The following CNTNAP2 variants were observed in gnomAD, a reference collection of about 807,000 sequenced individuals.
The protein encoded by CNTNAP2 is contactin-associated protein-like 2.
Under a neutral mutation model 155.2 loss-of-function variants are expected in CNTNAP2, and 98 were observed. The ratio of observed to expected loss-of-function variants is 0.63; its 90% CI spans 0.54 to 0.75. The LOEUF is 0.75. Ranked by LOEUF, CNTNAP2 falls within the 30% of genes least tolerant of loss-of-function variation. The pLI is 0.00. For synonymous variants in CNTNAP2, 651 were observed against 631.2 expected, an observed-to-expected ratio of 1.03 and a Z score of -0.47; for missense variants, 1,727 against 1,688.1, an observed-to-expected ratio of 1.02 and a Z score of -0.40.
intron 13 of CNTNAP2, among the ~76,000 whole-genome samples, chr7:147,841,073 A>G (rs537442848): frequency 7.2e-4 from 109 of 152,270 alleles, no homozygotes; most frequent in Middle Eastern, 3.4e-3. Context: ...TTTTTAATCA[A>G]TGTATTAGAA....
intron 15 of CNTNAP2, among the ~76,000 whole-genome samples, chr7:147,978,834 A>G (rs1801475515): frequency 6.6e-6 from 1 of 152,008 alleles, no homozygotes; most frequent in Non-Finnish European, 1.5e-5. Flanking sequence ...CTGCTCCCCA[A>G]ATAGCTGACT....
intron 13 of CNTNAP2, among the ~76,000 whole-genome samples, chr7:147,835,048 A>AT (rs1364525207): frequency 1.3e-5 from 2 of 152,134 alleles, no homozygotes; most frequent in African/African-American, 2.4e-5. Context: ...GCCAATAAGG[A>AT]TAAAAAAAAG....
intron 8 of CNTNAP2, among the ~76,000 whole-genome samples, chr7:147,217,863 T>G (rs1803308097): frequency 6.6e-6 from 1 of 152,036 alleles, no homozygotes; most frequent in Non-Finnish European, 1.5e-5. Flanking sequence ...TTTTTGCTTT[T>G]ATTAGATAGA....
At chr7:147,661,634 C>G (rs1371414014) in intron 13 of CNTNAP2, among the ~76,000 whole-genome samples, 5 of 151,956 alleles carry the variant, frequency 3.3e-5, no homozygotes, top group Admixed American at 2.6e-4. Flanking sequence ...CTCACTACGA[C>G]CCCTGCCTGC....
rs534056341 is a variant in CNTNAP2 at position 147,088,903 on chromosome 7, C to T, written c.551-19244C>T. Among the ~76,000 whole-genome samples the T allele has an allele frequency of 4.1e-4, 62 of 152,130 alleles. No homozygotes were observed. The South Asian group carries it at 0.012, about 30-fold the overall frequency. On this transcript the variant is annotated intron_variant, in intron 4 of 23. Coordinates refer to ENST00000361727, the MANE Select transcript of CNTNAP2 (RefSeq NM_014141.6). Reference sequence around the variant, plus strand: ...AGGCTGCAGTGGGCTGTGATCATACCACTTCAATCCAGCCTGGGTGACAGA... The same window carrying T: ...AGGCTGCAGTGGGCTGTGATCATACTACTTCAATCCAGCCTGGGTGACAGA...
intron 15 of CNTNAP2, among the ~76,000 whole-genome samples, chr7:148,056,038 G>A (rs2707570): frequency 0.015 from 2,210 of 152,200 alleles, 53 homozygotes; most frequent in African/African-American, 0.051. Context: ...AGCGATGAAC[G>A]GATTCACTCC....
At chr7:148,314,347 T>C (rs920677836) in intron 21 of CNTNAP2, among the ~76,000 whole-genome samples, 1 of 152,062 alleles carries the variant, frequency 6.6e-6, no homozygotes, top group Non-Finnish European at 1.5e-5. Flanking sequence ...TTAGATCTTG[T>C]AGGATGGAAA....
At chr7:147,682,052 T>C (rs1389373181) in intron 13 of CNTNAP2, among the ~76,000 whole-genome samples, 1 of 151,840 alleles carries the variant, frequency 6.6e-6, no homozygotes. Flanking sequence ...TAAAGGTTAT[T>C]AGAAGGTATT....
chr7:148,128,633 G>A (rs538426241), intron 16 of CNTNAP2, among the ~76,000 whole-genome samples: 7 of 152,326 alleles, frequency 4.6e-5, no homozygotes, highest in African/African-American at 1.7e-4. Context: ...TTATTTGAAT[G>A]TACAGTAGAG....
intron 1 of CNTNAP2, among the ~76,000 whole-genome samples, chr7:146,176,101 C>T (rs13234697): frequency 0.11 from 16,685 of 151,990 alleles, 1,219 homozygotes; most frequent in Non-Finnish European, 0.17. Flanking sequence ...TAAACTTCTT[C>T]TTTTACATGT....
chr7:147,954,909 G>A (rs1187479844), intron 14 of CNTNAP2, among the ~76,000 whole-genome samples: 2 of 152,198 alleles, frequency 1.3e-5, no homozygotes, highest in East Asian at 3.8e-4. Flanking sequence ...ACTATGAAGA[G>A]ATCTCTCTGA....
intron 13 of CNTNAP2, among the ~76,000 whole-genome samples, chr7:147,685,059 AT>A (rs986422141): frequency 6.6e-6 from 1 of 151,924 alleles, no homozygotes; most frequent in Non-Finnish European, 1.5e-5. Flanking sequence ...TTCACCTGTC[AT>A]TGTCATCTCA....
chr7:147,553,521 C>A (rs1346404602), intron 11 of CNTNAP2, among the ~76,000 whole-genome samples: 3 of 152,256 alleles, frequency 2.0e-5, no homozygotes, highest in East Asian at 1.9e-4. Flanking sequence ...GTTTTATAAT[C>A]TTTTATAACA....
rs1417900880 is a variant in CNTNAP2, at chr7:147,658,064, G to A, written c.2098+18758G>A. Reference sequence around the variant, plus strand: ...GAGGTCAGGAGATCGAGACCATCCCGGCAAAAATGGTGAAACCCCGTCTCT... The same window carrying A: ...GAGGTCAGGAGATCGAGACCATCCCAGCAAAAATGGTGAAACCCCGTCTCT... On this transcript the variant is annotated intron_variant, in intron 13 of 23. Transcript: ENST00000361727. Among the ~76,000 whole-genome samples the A allele has an allele frequency of 2.5e-5, 3 of 120,958 alleles. 1 individual carries two copies. Among genetic ancestry groups the A allele is most frequent in the Non-Finnish European group, 5.7e-5 (3 of 52,610 alleles). 79.4% of individuals were successfully genotyped at this position (120,958 alleles called of 152,430 possible).
rs117919480 is a variant in CNTNAP2 at position 146,150,859 on chromosome 7, T to A, written c.97+33886T>A. ...TGTAATGAGAATATTTAAGATTTACTCTCTTATTAGTCCGTTTTCACACTG... is the reference window on the plus strand; with the variant it reads ...TGTAATGAGAATATTTAAGATTTACACTCTTATTAGTCCGTTTTCACACTG... On this transcript the variant is annotated intron_variant, in intron 1 of 23. Coordinates refer to ENST00000361727, the MANE Select transcript of CNTNAP2 (RefSeq NM_014141.6). Among the ~76,000 whole-genome samples the A allele has an allele frequency of 1.1e-3, 167 of 152,222 alleles. 3 individuals carry two copies. The East Asian group carries it at 0.027, about 25-fold the overall frequency.
At chr7:148,288,674 C>T (rs1354293030) in intron 21 of CNTNAP2, among the ~76,000 whole-genome samples, 1 of 151,830 alleles carries the variant, frequency 6.6e-6, no homozygotes, top group East Asian at 1.9e-4. Context: ...TAATTTTTAC[C>T]TATTTTTTGA....
At position 147,904,943 on chromosome 7, in the gene CNTNAP2, T is replaced by C. The variant is rs960282879; in HGVS notation, c.2255+1222T>C. 4.0e-5 allele frequency among the ~76,000 whole-genome samples: 6 copies of C among 150,930 alleles called. No homozygotes were observed. In the East Asian group the frequency reaches 9.7e-4, roughly 24 times the overall value. On this transcript the variant is annotated intron_variant, in intron 14 of 23. Transcript: ENST00000361727. ...CACACACACACACTGTATACAAAGA[T>C]TGGAAGTTGGGAATGGAGTTAAAAG...
At chr7:147,495,014 C>A (rs1798678035) in intron 11 of CNTNAP2, among the ~76,000 whole-genome samples, 2 of 152,038 alleles carry the variant, frequency 1.3e-5, no homozygotes, top group African/African-American at 4.8e-5. Flanking sequence ...ATGTGGCACA[C>A]TATGTGAATA....
chr7:147,235,282 G>C lies in CNTNAP2; in HGVS notation c.1349-64859G>C, dbSNP rs181404884. Among the ~76,000 whole-genome samples the C allele has an allele frequency of 2.7e-3, 409 of 151,964 alleles. 1 individual carries two copies. The highest frequency in any genetic ancestry group is 9.2e-3 in the African/African-American group (383 of 41,420). The stretch of plus-strand genomic sequence containing the variant: ...TCACCTGGAAGATCCTTAGACTTGC[G>C]AGGTTCTGTGATTACCTGAGACAAT... On this transcript the variant is annotated intron_variant, in intron 8 of 23. Coordinates refer to ENST00000361727, the MANE Select transcript of CNTNAP2 (RefSeq NM_014141.6).
Sources: allele counts gnomAD v4.1 joint callset (sites outside exome capture counted in the v4.1 genomes callset), GRCh38; gene constraint gnomAD v4.1.1; transcripts MANE v1.5; gene names NCBI Gene and HGNC (gene_info 2026-07-23, HGNC 2026-07-21).